MGLL: variants seen among roughly 807,000 people sequenced by gnomAD.
MGLL encodes the protein monoglyceride lipase.
Under a neutral mutation model 29.1 loss-of-function variants are expected in MGLL, and 7 were observed. The ratio of observed to expected loss-of-function variants is 0.24; its 90% CI spans 0.14 to 0.45. The LOEUF (loss-of-function observed/expected upper bound fraction) is 0.45, where lower values mean the gene tolerates loss of function less well. Among genes scored for constraint, MGLL ranks in the 20% least tolerant of loss-of-function variants. The pLI is 0.99. For synonymous variants in MGLL, 148 were observed against 168.3 expected (o/e 0.88, Z 0.93); for missense variants, 356 against 413.6 (o/e 0.86, Z 1.21).
intron 3 of MGLL, among the ~76,000 whole-genome samples, chr3:127,770,074 A>C (rs2076924496): frequency 6.6e-6 from 1 of 152,168 alleles, no homozygotes; most frequent in Non-Finnish European, 1.5e-5. Context: ...AGAATCAGAG[A>C]ATTCTAGAAG....
chr3:127,772,727 T>C (rs2076970420), intron 3 of MGLL, among the ~76,000 whole-genome samples: 1 of 152,128 alleles, frequency 6.6e-6, no homozygotes, highest in Non-Finnish European at 1.5e-5. Context: ...AGAATTCATG[T>C]TGAAATCCCA....
At chr3:127,812,162 G>T (rs2077674122) in intron 2 of MGLL, among the ~76,000 whole-genome samples, 1 of 152,222 alleles carries the variant, frequency 6.6e-6, no homozygotes, top group Non-Finnish European at 1.5e-5. Flanking sequence ...AAATTGACTG[G>T]ATGCTCTAAG....
chr3:127,694,513 C>G (rs1312171495), intron 7 of MGLL, among the ~76,000 whole-genome samples: 2 of 151,982 alleles, frequency 1.3e-5, no homozygotes, highest in African/African-American at 4.8e-5. Flanking sequence ...CTAGCTCTGG[C>G]AGCTCCCTTC....
At chr3:127,697,222 C>T (rs1467084797) in intron 6 of MGLL, among the ~76,000 whole-genome samples, 12 of 152,214 alleles carry the variant, frequency 7.9e-5, no homozygotes, top group Admixed American at 7.8e-4. Flanking sequence ...AGCCAGGAGC[C>T]CTGAGGGAAG....
At chr3:127,714,694 G>A (rs2075782074) in intron 5 of MGLL, among the ~76,000 whole-genome samples, 1 of 152,206 alleles carries the variant, frequency 6.6e-6, no homozygotes. Context: ...TCAGTGCATA[G>A]ATGGCTGCTG....
At chr3:127,784,281 G>A (rs978285201) in intron 2 of MGLL, among the ~76,000 whole-genome samples, 6 of 152,188 alleles carry the variant, frequency 3.9e-5, no homozygotes, top group Admixed American at 3.9e-4. Context: ...CCACTCCCAG[G>A]GGACCTCTGG....
intron 3 of MGLL, among the ~76,000 whole-genome samples, chr3:127,738,102 C>A (rs1276009860): frequency 1.3e-5 from 2 of 151,938 alleles, no homozygotes; most frequent in African/African-American, 4.8e-5. Flanking sequence ...GAGTTTGAGA[C>A]CAGCCTGGAC....
intron 2 of MGLL, among the ~76,000 whole-genome samples, chr3:127,819,374 A>C (rs1157546065): frequency 6.6e-6 from 1 of 152,202 alleles, no homozygotes; most frequent in Non-Finnish European, 1.5e-5. Context: ...CTGCATAATA[A>C]GATATCCACA....
At chr3:127,807,921 C>T (rs557208648) in intron 2 of MGLL, among the ~76,000 whole-genome samples, 1 of 151,886 alleles carries the variant, frequency 6.6e-6, no homozygotes, top group African/African-American at 2.4e-5. Flanking sequence ...ACCACCATAC[C>T]CAGCTAATTT....
chr3:127,816,615 C>T (rs1296897416), intron 2 of MGLL, among the ~76,000 whole-genome samples: 1 of 152,204 alleles, frequency 6.6e-6, no homozygotes, highest in Non-Finnish European at 1.5e-5. Flanking sequence ...CTTAAATCTA[C>T]CCAGGCCTCA....
intron 5 of MGLL, among the ~76,000 whole-genome samples, chr3:127,715,084 T>C (rs1576493026): frequency 6.6e-6 from 1 of 152,332 alleles, no homozygotes; most frequent in East Asian, 1.9e-4. Flanking sequence ...TCTCAGGGGC[T>C]GGCAGTGTGT....
chr3:127,766,578 T>C (rs931477430), intron 3 of MGLL, among the ~76,000 whole-genome samples: 26 of 152,136 alleles, frequency 1.7e-4, no homozygotes, highest in African/African-American at 5.3e-4. Flanking sequence ...AGGGGCACTC[T>C]TATAAAGGGT....
intron 2 of MGLL, among the ~76,000 whole-genome samples, chr3:127,806,444 GATGGGTGGAAGGGTGGATGA>G (rs1431541923): frequency 1.3e-5 from 2 of 152,186 alleles, no homozygotes; most frequent in Non-Finnish European, 2.9e-5. Context: ...TTGGTGAATG[GATGGGTGGAAGGGTGGATGA>G]ATGGGTGGCT....
At chr3:127,793,106 C>T (rs1481261508) in intron 2 of MGLL, among the ~76,000 whole-genome samples, 1 of 152,188 alleles carries the variant, frequency 6.6e-6, no homozygotes, top group East Asian at 1.9e-4. Context: ...GAACCCTTCC[C>T]AGCTCCAACA....
intron 3 of MGLL, among the ~76,000 whole-genome samples, chr3:127,778,331 CG>C (rs1171494883): frequency 6.6e-6 from 1 of 152,216 alleles, no homozygotes; most frequent in African/African-American, 2.4e-5. Context: ...GGCAACCACA[CG>C]GGGACAAGAA....
intron 3 of MGLL, among the ~76,000 whole-genome samples, chr3:127,754,106 A>G (rs2076611748): frequency 6.6e-6 from 1 of 152,118 alleles, no homozygotes; most frequent in African/African-American, 2.4e-5. Context: ...GCTGCACTCT[A>G]CGGAGGAGGC....
At chr3:127,792,944 T>C (rs753645406) in intron 2 of MGLL, among the ~76,000 whole-genome samples, 5 of 152,202 alleles carry the variant, frequency 3.3e-5, no homozygotes, top group Non-Finnish European at 7.3e-5. Context: ...CTGGTTCCCA[T>C]GAAGCAGGCA....
chr3:127,785,496 A>G (rs1195588707), intron 2 of MGLL, among the ~76,000 whole-genome samples: 4 of 152,198 alleles, frequency 2.6e-5, no homozygotes, highest in Admixed American at 6.5e-5. Flanking sequence ...AAATATATAC[A>G]TGACTGAGCA....
chr3:127,704,837 C>A (rs2075567949), intron 6 of MGLL, among the ~76,000 whole-genome samples: 1 of 151,972 alleles, frequency 6.6e-6, no homozygotes, highest in Admixed American at 6.6e-5. Flanking sequence ...ACAGAAACCC[C>A]ATTTGACCCA....
Sources: gnomAD v4.1 joint callset for allele counts (sites outside exome capture counted in the v4.1 genomes callset) on GRCh38, gnomAD v4.1.1 for gene constraint, MANE v1.5 for transcripts, NCBI Gene and HGNC (gene_info 2026-07-23, HGNC 2026-07-21) for gene names.